GPC3: variants seen among roughly 807,000 people sequenced by gnomAD.
GPC3 encodes glypican-3.
GPC3 carries 3 observed loss-of-function variants against 34.4 expected under a neutral mutation model. That is an observed-to-expected ratio of 0.09 (90% CI 0.04 to 0.23). The LOEUF (loss-of-function observed/expected upper bound fraction) is 0.23. Among genes scored for constraint, GPC3 ranks in the 10% least tolerant of loss-of-function variants. The pLI is 1.00. For missense variants in GPC3, 351 were observed against 445.6 expected, an observed-to-expected ratio of 0.79 and a Z score of 1.91; for synonymous variants, 177 against 174.0, an observed-to-expected ratio of 1.02 and a Z score of -0.13.
intron 2 of GPC3, among the ~76,000 whole-genome samples, chrX:133,861,818 G>C (rs1024024509): frequency 1.8e-5 from 2 of 111,219 alleles, no homozygotes; most frequent in African/African-American, 6.6e-5. Context: ...CTTCCACCAT[G>C]ACTGTAAACT....
intron 2 of GPC3, among the ~76,000 whole-genome samples, chrX:133,830,110 C>T (rs1403806386): frequency 9.0e-6 from 1 of 111,592 alleles, no homozygotes; most frequent in Non-Finnish European, 1.9e-5. Context: ...AATCCTATTG[C>T]ACAATTTTAA....
chrX:133,565,929 T>G (rs185775711), intron 7 of GPC3, among the ~76,000 whole-genome samples: 160 of 112,344 alleles, frequency 1.4e-3, no homozygotes, highest in African/African-American at 5.2e-3. Context: ...AAGCCCTAAT[T>G]TTATCATCTC....
At chrX:133,817,854 A>G (rs1191369017) in intron 2 of GPC3, among the ~76,000 whole-genome samples, 1 of 108,760 alleles carries the variant, frequency 9.2e-6, no homozygotes, top group Non-Finnish European at 1.9e-5. Flanking sequence ...CCTCCCTGTG[A>G]TCACCCCCAA....
At chrX:133,792,598 C>A (rs1272853898) in intron 2 of GPC3, among the ~76,000 whole-genome samples, 1 of 111,007 alleles carries the variant, frequency 9.0e-6, no homozygotes, top group Non-Finnish European at 1.9e-5. Flanking sequence ...CAGCTTTCGG[C>A]ACCTCTCCGA....
At chrX:133,876,274 G>A (rs1356668582) in intron 2 of GPC3, among the ~76,000 whole-genome samples, 2 of 111,657 alleles carry the variant, frequency 1.8e-5, no homozygotes, top group Non-Finnish European at 3.8e-5. Flanking sequence ...AACAGAATAC[G>A]GACGCTGTTA....
intron 2 of GPC3, among the ~76,000 whole-genome samples, chrX:133,918,736 A>C (rs1288968827): frequency 8.9e-6 from 1 of 111,966 alleles, no homozygotes; most frequent in African/African-American, 3.2e-5. Context: ...GCACCTTGAC[A>C]TTTATTGCTA....
intron 7 of GPC3, among the ~76,000 whole-genome samples, chrX:133,565,496 G>A (rs2069574348): frequency 8.9e-6 from 1 of 112,172 alleles, no homozygotes; most frequent in African/African-American, 3.2e-5. Flanking sequence ...GAGATGCTCA[G>A]TAAATATCTG....
chrX:133,789,117 A>G (rs1269825790), intron 2 of GPC3, among the ~76,000 whole-genome samples: 1 of 111,250 alleles, frequency 9.0e-6, no homozygotes, highest in Non-Finnish European at 1.9e-5. Flanking sequence ...GACTCATGCT[A>G]AGTAAGTTCT....
At chrX:133,655,427 TC>T (rs2070646777) in intron 6 of GPC3, among the ~76,000 whole-genome samples, 1 of 109,647 alleles carries the variant, frequency 9.1e-6, no homozygotes, top group South Asian at 4.0e-4. Context: ...CAGAAGTCAT[TC>T]ATTGGCTTTT....
At chrX:133,627,163 G>A (rs1023841164) in intron 6 of GPC3, among the ~76,000 whole-genome samples, 4 of 68,696 alleles carry the variant, frequency 5.8e-5, no homozygotes, top group South Asian at 2.7e-3. Context: ...GAGGCCTGTC[G>A]CAGGGTGGGG....
At chrX:133,536,506 G>A (rs2069294922) in intron 7 of GPC3, among the ~76,000 whole-genome samples, 1 of 109,048 alleles carries the variant, frequency 9.2e-6, no homozygotes, top group African/African-American at 3.3e-5. Flanking sequence ...GAGCCAGCCA[G>A]AAGTGCTCCT....
intron 7 of GPC3, among the ~76,000 whole-genome samples, chrX:133,557,544 C>G (rs1213126719): frequency 9.0e-6 from 1 of 111,686 alleles, no homozygotes; most frequent in Non-Finnish European, 1.9e-5. Flanking sequence ...GATTATGGAG[C>G]AAATCCTAGT....
intron 5 of GPC3, chrX:133,671,145 T>C (rs766458382): frequency 7.8e-6 from 8 of 1,031,872 alleles, no homozygotes; most frequent in African/African-American, 5.6e-5. Context: ...ACACCAGATG[T>C]CATCTTTGTA....
chrX:133,561,741 C>G (rs1198415270), intron 7 of GPC3, among the ~76,000 whole-genome samples: 1 of 111,986 alleles, frequency 8.9e-6, no homozygotes, highest in Non-Finnish European at 1.9e-5. Flanking sequence ...AATATTGAAG[C>G]TTGTAAGACA....
intron 2 of GPC3, among the ~76,000 whole-genome samples, chrX:133,883,523 G>A (rs184876916): frequency 5.4e-5 from 6 of 111,767 alleles, no homozygotes; most frequent in African/African-American, 1.9e-4. Context: ...AATAAAGTAG[G>A]GGAATTTAAA....
intron 2 of GPC3, among the ~76,000 whole-genome samples, chrX:133,775,486 C>A (rs1417442830): frequency 8.9e-6 from 1 of 111,965 alleles, no homozygotes; most frequent in Admixed American, 9.5e-5. Flanking sequence ...AACAGACAGG[C>A]AGATAGCCTG....
chrX:133,955,587 C>T (rs746211758), intron 1 of GPC3, among the ~76,000 whole-genome samples: 4 of 111,599 alleles, frequency 3.6e-5, no homozygotes, highest in Admixed American at 9.5e-5. Context: ...GCTGGAGGTA[C>T]GACTTTGAAC....
intron 1 of GPC3, among the ~76,000 whole-genome samples, chrX:133,962,550 A>G (rs2076446331): frequency 8.9e-6 from 1 of 111,855 alleles, no homozygotes; most frequent in South Asian, 3.8e-4. Context: ...ATGAGGGGAA[A>G]CACCCTAATA....
At chrX:133,570,429 G>A (rs897304510) in intron 7 of GPC3, among the ~76,000 whole-genome samples, 5 of 107,758 alleles carry the variant, frequency 4.6e-5, no homozygotes, top group South Asian at 4.0e-4. Context: ...TCAAACTCCC[G>A]ACCTCAGGTG....
Sources: allele counts gnomAD v4.1 joint callset (sites outside exome capture counted in the v4.1 genomes callset), GRCh38; gene constraint gnomAD v4.1.1; transcripts MANE v1.5; gene names NCBI Gene and HGNC (gene_info 2026-07-23, HGNC 2026-07-21).